The following KCNN3 variants were observed in gnomAD, a reference collection of about 807,000 sequenced individuals.
KCNN3 encodes the protein potassium calcium-activated channel subfamily N member 3, also known as small conductance calcium-activated potassium channel protein 3.
KCNN3 carries 16 observed loss-of-function variants against 62.9 expected under a neutral mutation model. The ratio of observed to expected loss-of-function variants is 0.25; its 90% CI spans 0.17 to 0.39. The LOEUF (loss-of-function observed/expected upper bound fraction) is 0.39, where lower values mean the gene tolerates loss of function less well. Ranked by LOEUF, KCNN3 falls within the 10% of genes least tolerant of loss-of-function variation. The pLI, the probability that KCNN3 is intolerant of heterozygous loss-of-function variation, is 1.00. For synonymous variants in KCNN3, 370 were observed against 389.2 expected (o/e 0.95, Z 0.58); for missense variants, 599 against 949.4 (o/e 0.63, Z 4.85).
chr1:154,749,765 G>A (rs1378845241), intron 3 of KCNN3, among the ~76,000 whole-genome samples: 5 of 152,156 alleles, frequency 3.3e-5, no homozygotes, highest in Non-Finnish European at 5.9e-5. Flanking sequence ...GGGCACCTGG[G>A]TGAGGGTCTG....
rs1448591444 is a variant in KCNN3 at position 154,747,843 on chromosome 1, C to T, written c.1449-14699G>A. Among the ~76,000 whole-genome samples the T allele has an allele frequency of 3.9e-5, 6 of 152,210 alleles. No individual in the cohort carries two copies. In the East Asian group the frequency reaches 9.6e-4, roughly 24 times the overall value. On this transcript the variant is annotated intron_variant, in intron 3 of 7. Transcript: ENST00000271915. ...CTTATGACACCCCAGCAAGCAACTGCTTATTCTCTCCTCCAATCCATGCTC... is the reference window on the plus strand; with the variant it reads ...CTTATGACACCCCAGCAAGCAACTGTTTATTCTCTCCTCCAATCCATGCTC...
chr1:154,858,228 C>A (rs1652614375), intron 1 of KCNN3, among the ~76,000 whole-genome samples: 1 of 152,098 alleles, frequency 6.6e-6, no homozygotes, highest in Admixed American at 6.5e-5. Flanking sequence ...GGGCTGGGAA[C>A]CATGGGCCCA....
At chr1:154,784,147 A>G (rs1571272690) in intron 2 of KCNN3, among the ~76,000 whole-genome samples, 1 of 151,892 alleles carries the variant, frequency 6.6e-6, no homozygotes, top group Non-Finnish European at 1.5e-5. Context: ...AGGCCAAGTG[A>G]CCCCGGCCAA....
At chr1:154,785,581 T>C (rs1460994362) in intron 2 of KCNN3, among the ~76,000 whole-genome samples, 29 of 142,138 alleles carry the variant, frequency 2.0e-4, no homozygotes, top group African/African-American at 5.5e-4. Flanking sequence ...TCTTTTTTTT[T>C]TTTTTTTTTT....
intron 4 of KCNN3, among the ~76,000 whole-genome samples, chr1:154,727,448 C>T (rs1329504106): frequency 6.6e-6 from 1 of 152,200 alleles, no homozygotes; most frequent in Non-Finnish European, 1.5e-5. Context: ...CTTTTAGAAG[C>T]TATTTCTCTC....
intron 3 of KCNN3, among the ~76,000 whole-genome samples, chr1:154,761,503 T>C (rs1196305008): frequency 6.6e-6 from 1 of 151,832 alleles, no homozygotes; most frequent in Non-Finnish European, 1.5e-5. Flanking sequence ...CACAAAGAAA[T>C]CAACTTAATG....
intron 2 of KCNN3, among the ~76,000 whole-genome samples, chr1:154,812,631 G>A (rs1650463502): frequency 1.3e-5 from 2 of 152,194 alleles, no homozygotes; most frequent in Admixed American, 1.3e-4. Context: ...GAAGGAGTTT[G>A]GAATGGATTG....
chr1:154,746,598 CT>C (rs906802412), intron 3 of KCNN3, among the ~76,000 whole-genome samples: 2 of 151,892 alleles, frequency 1.3e-5, no homozygotes, highest in Admixed American at 1.3e-4. Context: ...GCTTCTTTTT[CT>C]TTTTTTCTCC....
chr1:154,714,844 A>G (rs1372017654), intron 6 of KCNN3, 32 bp downstream of exon 6: 1 of 1,612,750 alleles, frequency 6.2e-7, no homozygotes, highest in Non-Finnish European at 8.5e-7. Context: ...CAGTCTGGTC[A>G]TCTGATGGCT....
intron 2 of KCNN3, among the ~76,000 whole-genome samples, chr1:154,810,829 G>C (rs1237192522): frequency 6.6e-6 from 1 of 152,204 alleles, no homozygotes; most frequent in Non-Finnish European, 1.5e-5. Flanking sequence ...TAGGAACCAG[G>C]GGTAGAAGAG....
chr1:154,854,505 C>T (rs1652437526), intron 1 of KCNN3, among the ~76,000 whole-genome samples: 1 of 152,220 alleles, frequency 6.6e-6, no homozygotes, highest in Admixed American at 6.5e-5. Context: ...TAACACTCAT[C>T]ATAGCACTTA....
Position 154,714,859 on chromosome 1 carries a change from C to T in KCNN3, c.1829+17G>A, listed in dbSNP as rs768588764. On this transcript the variant is annotated intron_variant, in intron 6 of 7. Transcript: ENST00000271915. ...CAGTCTGGTCATCTGATGGCTGAACCGCTCTGGCATACTCACTGGTGGATA... is the reference window on the plus strand; with the variant it reads ...CAGTCTGGTCATCTGATGGCTGAACTGCTCTGGCATACTCACTGGTGGATA... 8.7e-6 allele frequency: 14 copies of T among 1,612,854 alleles called. No homozygotes were observed. The highest frequency in any genetic ancestry group is 3.3e-5 in the Admixed American group (2 of 59,930).
At chr1:154,780,461 G>A (rs894601736) in intron 2 of KCNN3, among the ~76,000 whole-genome samples, 3 of 149,970 alleles carry the variant, frequency 2.0e-5, no homozygotes, top group Non-Finnish European at 3.0e-5. Flanking sequence ...GCCTTTTTGT[G>A]TACTGTTCTC....
intron 1 of KCNN3, among the ~76,000 whole-genome samples, chr1:154,846,184 C>T (rs547743068): frequency 6.6e-6 from 1 of 152,330 alleles, no homozygotes; most frequent in African/African-American, 2.4e-5. Context: ...GTCTAAAGGG[C>T]CTAGACGATG....
chr1:154,743,970 C>A (rs548135005), intron 3 of KCNN3, among the ~76,000 whole-genome samples: 1 of 152,288 alleles, frequency 6.6e-6, no homozygotes, highest in Admixed American at 6.5e-5. Flanking sequence ...GGCCTTTGCA[C>A]AAATGTCAGC....
intron 1 of KCNN3, among the ~76,000 whole-genome samples, chr1:154,866,258 C>A (rs1419087562): frequency 6.6e-6 from 1 of 152,264 alleles, no homozygotes; most frequent in East Asian, 1.9e-4. Context: ...AAAGCTCCAA[C>A]TAATTTTACA....
Position 154,869,711 on chromosome 1 carries a change from A to G in KCNN3, c.254T>C (p.Leu85Pro). 1 of 932,232 alleles carries G rather than the reference A, an allele frequency of 1.1e-6. No individual in the cohort carries two copies. Among genetic ancestry groups the G allele is most frequent in the East Asian group, 4.5e-5 (1 of 22,144 alleles). The allele number at this position is 932,232 out of a possible 1,614,324, so 57.7% of individuals were successfully genotyped here. Reference sequence around the variant, plus strand: ...GCTCTGGAGTTGGGCGAGCTGAGACAGGGGATGCGGTGGCTGCTGCTGCTG... The same window carrying G: ...GCTCTGGAGTTGGGCGAGCTGAGACGGGGGATGCGGTGGCTGCTGCTGCTG... ...QQQQQQPPHP[L>P]SQLAQLQSQP... Residue 85 changes from leucine (L) to proline (P), a missense_variant, in exon 1 of 8, where the codon CTG becomes CCG. Physicochemically the swap from Leu to Pro is moderately conservative, Grantham distance 98 (BLOSUM62 -3). Around this residue, in one of 7 missense-constraint regions of KCNN3, gnomAD observed 112 missense variants for 142.9 expected, o/e 0.78. Transcript: ENST00000271915. This position sits in a 1 kb window ranked among gnomAD's most constrained non-coding sequence, Gnocchi z 6.1.
intron 3 of KCNN3, among the ~76,000 whole-genome samples, chr1:154,750,940 C>T (rs1266483691): frequency 6.6e-6 from 1 of 152,230 alleles, no homozygotes; most frequent in African/African-American, 2.4e-5. Context: ...GGCCTGCCTG[C>T]TGTGTCAGCT....
intron 2 of KCNN3, among the ~76,000 whole-genome samples, chr1:154,773,288 A>T (rs1648651190): frequency 6.6e-6 from 1 of 152,084 alleles, no homozygotes. Context: ...TGGAAGCTCC[A>T]CCCCTTCCCA....
Sources: gnomAD v4.1 joint callset for allele counts (sites outside exome capture counted in the v4.1 genomes callset) on GRCh38, gnomAD v4.1.1 for gene constraint, gnomAD v4.1.1 regional missense constraint, Gnocchi (gnomAD v3.1) non-coding constraint, MANE v1.5 for transcripts, NCBI Gene and HGNC (gene_info 2026-07-23, HGNC 2026-07-21) for gene names.